Variants in UBR4 observed in about 807,000 individuals in gnomAD.
UBR4 encodes ubiquitin protein ligase E3 component n-recognin 4, also known as E3 ubiquitin-protein ligase UBR4.
Under a neutral mutation model 575.6 loss-of-function variants are expected in UBR4, and 124 were observed. That is an observed-to-expected ratio of 0.22 (90% CI 0.19 to 0.25). UBR4 has a LOEUF of 0.25. Among genes scored for constraint, UBR4 ranks in the 10% least tolerant of loss-of-function variants. The pLI is 1.00. For synonymous variants in UBR4, 2,455 were observed against 2,473.7 expected (o/e 0.99, Z 0.22); for missense variants, 4,818 against 6,478.8 (o/e 0.74, Z 8.80).
chr1:19,138,727 A>G (rs1264915025), intron 59 of UBR4, among the ~76,000 whole-genome samples: 2 of 152,204 alleles, frequency 1.3e-5, no homozygotes, highest in Non-Finnish European at 2.9e-5. Context: ...AATGGGTTTC[A>G]AGGTCACATA....
intron 86 of UBR4, 145 bp from the exon 87 acceptor site, chr1:19,104,402 C>T: frequency 8.3e-7 from 1 of 1,208,724 alleles, no homozygotes; most frequent in African/African-American, 1.5e-5. Context: ...CAAGCGGAAA[C>T]AGTCAATAGC....
chr1:19,121,520 G>A lies in UBR4; in HGVS notation c.9896-86C>T, dbSNP rs1180319231. Reference sequence around the variant, plus strand: ...CAAAACAACGTCTCCCTACAGCTGAGACTGCCCTGTTCTCACCAGCTTTCT... The same window carrying A: ...CAAAACAACGTCTCCCTACAGCTGAAACTGCCCTGTTCTCACCAGCTTTCT... On this transcript the variant is annotated intron_variant, in intron 67 of 105. Transcript: ENST00000375254. The A allele has an allele frequency of 4.0e-6, 6 of 1,507,664 alleles. No homozygotes were observed. The African/African-American group carries it at 8.4e-5, about 21-fold the overall frequency. The allele number at this position is 1,507,664 out of a possible 1,614,324, so 93.4% of individuals were successfully genotyped here.
chr1:19,077,410 G>A (rs1192442965), intron 104 of UBR4, among the ~76,000 whole-genome samples: 5 of 152,192 alleles, frequency 3.3e-5, no homozygotes, highest in African/African-American at 1.2e-4. Flanking sequence ...TCTGGAGCAG[G>A]CTCGGGAGCA....
intron 52 of UBR4, 164 bp from the exon 53 acceptor site, chr1:19,146,097 A>G (rs1427289014): frequency 6.4e-7 from 1 of 1,551,454 alleles, no homozygotes; most frequent in Non-Finnish European, 8.7e-7. Flanking sequence ...ACATCTAGGA[A>G]AAAAACAGTC....
rs779700447 is a variant in UBR4 at position 19,112,526 on chromosome 1, A to T, written c.11799T>A (p.Thr3933=). The T allele has an allele frequency of 3.2e-5, 52 of 1,608,066 alleles. No homozygotes were observed. The highest frequency in any genetic ancestry group is 2.2e-5 in the Non-Finnish European group (26 of 1,176,814). ...ATAACCATGGTGTAGGTACTGACCG[A>T]GTTAGGAGGCACATGAGCTGGCGGA... The part of the protein sequence containing the change: ...EEVRQLMCLL[T]RDNPEATQQM... Residue 3933 remains threonine (T), a splice_region_variant and synonymous_variant, in exon 78 of 106, where the codon ACT becomes ACA. Transcript: ENST00000375254.
At position 19,126,461 on chromosome 1, in the gene UBR4, G is replaced by C; in HGVS notation, c.9423C>G (p.Leu3141=). ...SSPPDMSPFF[L]RQYVKGHAAD... ...AAGATCTCACCTTCACATACTGGCG[G>C]AGAAAGAATGGGCTCATGTCAGGTG... Residue 3141 remains leucine (L), a synonymous_variant, in exon 64 of 106, where the codon CTC becomes CTG. Coordinates refer to ENST00000375254, the MANE Select transcript of UBR4 (RefSeq NM_020765.3). 3 of 1,614,170 alleles carry C rather than the reference G, an allele frequency of 1.9e-6. No individual in the cohort carries two copies. The highest frequency in any genetic ancestry group is 2.5e-6 in the Non-Finnish European group (3 of 1,180,014).
In UBR4 at chr1:19,098,194, G is replaced by A. The variant is rs182211552; in HGVS notation, c.13303-914C>T. Among the ~76,000 whole-genome samples, 11 of 152,270 alleles carry A rather than the reference G, an allele frequency of 7.2e-5. No individual in the cohort carries two copies. The East Asian group carries it at 1.7e-3, about 24-fold the overall frequency. On this transcript the variant is annotated intron_variant, in intron 90 of 105. Transcript: ENST00000375254. ...AAAGGCCAGTTGCAGAAGTGTTTCCGGCTATAGAAGCCCAGTGAGAATTCC... is the reference window on the plus strand; with the variant it reads ...AAAGGCCAGTTGCAGAAGTGTTTCCAGCTATAGAAGCCCAGTGAGAATTCC...
At chr1:19,191,852 G>T (rs906578824) in intron 11 of UBR4, among the ~76,000 whole-genome samples, 4 of 152,116 alleles carry the variant, frequency 2.6e-5, no homozygotes, top group Non-Finnish European at 5.9e-5. Flanking sequence ...GGTTATACAC[G>T]CAAGTACTCA....
chr1:19,105,091 G>A lies in UBR4; in HGVS notation c.12602C>T (p.Ala4201Val), dbSNP rs1439221954. 2 of 1,613,976 alleles carry A rather than the reference G, an allele frequency of 1.2e-6. No homozygotes were observed. The highest frequency in any genetic ancestry group is 1.7e-6 in the Non-Finnish European group (2 of 1,180,000). The part of the protein sequence containing the change: ...ITSAHWKVYL[A>V]ARGVLPYVGN... Reference sequence around the variant, plus strand: ...CACATAGGGTAGGACTCCCCGAGCTGCCAAGTAGACTTTCCAGTGCGCAGA... The same window carrying A: ...CACATAGGGTAGGACTCCCCGAGCTACCAAGTAGACTTTCCAGTGCGCAGA... Residue 4201 changes from alanine to valine, a missense_variant, in exon 85 of 106, where the codon GCA becomes GTA. Ala to Val is a moderately conservative substitution (Grantham distance 64). Transcript: ENST00000375254.
At chr1:19,185,577 T>TC (rs1199869214) in intron 14 of UBR4, among the ~76,000 whole-genome samples, 1 of 118,998 alleles carries the variant, frequency 8.4e-6, no homozygotes, top group African/African-American at 2.8e-5. Context: ...TTTTTTCTTT[T>TC]TTTTTTTTTT....
chr1:19,173,549 A>C lies in UBR4; in HGVS notation c.3055T>G (p.Tyr1019Asp). ...ILGILPPSKT[Y>D]INQLSMNSPE... is the part of the protein sequence containing the mutation. ...GAGTTCATGGATAGCTGGTTAATGT[A>C]AGTCTTTGATGGTGGTAAAATTCCT... Residue 1019 changes from tyrosine (Y) to aspartate (D), a missense_variant, in exon 23 of 106, where the codon TAC becomes GAC. By Grantham distance (160) the Tyr-to-Asp change is radical. This residue lies in a region of UBR4 where 1,172 missense variants were observed against 1,259.7 expected (regional missense o/e 0.93). Transcript: ENST00000375254. 2.5e-6 allele frequency: 4 copies of C among 1,614,182 alleles called. No individual in the cohort carries two copies. Among genetic ancestry groups the C allele is most frequent in the Non-Finnish European group, 3.4e-6 (4 of 1,180,018 alleles).
At position 19,088,681 on chromosome 1, in the gene UBR4, A is replaced by G. The variant is rs1259448380; in HGVS notation, c.14430+78T>C. On this transcript the variant is annotated intron_variant, in intron 98 of 105. Coordinates refer to ENST00000375254, the MANE Select transcript of UBR4 (RefSeq NM_020765.3). This position sits in a 1 kb window ranked among gnomAD's most constrained non-coding sequence, Gnocchi z 4.0. ...TCCAGCCTTCTCTTTCCCCATGGCC[A>G]ACCCCAGGGCTGTCCCATGGCCACC... 1.3e-6 allele frequency: 2 copies of G among 1,488,784 alleles called. No individual in the cohort carries two copies. Among genetic ancestry groups the G allele is most frequent in the African/African-American group, 1.4e-5 (1 of 72,124 alleles). The allele number at this position is 1,488,784 out of a possible 1,614,324, so 92.2% of individuals were successfully genotyped here. A position where few individuals can be genotyped will look rare whatever the true frequency, so the allele number is the denominator to read the frequency against.
At chr1:19,191,851 C>T (rs1046527952) in intron 11 of UBR4, among the ~76,000 whole-genome samples, 5 of 152,198 alleles carry the variant, frequency 3.3e-5, no homozygotes, top group African/African-American at 7.2e-5. Context: ...AGGTTATACA[C>T]GCAAGTACTC....
intron 4 of UBR4, 41 bp from the exon 5 acceptor site, chr1:19,198,721 C>T (rs1224749029): frequency 1.4e-5 from 23 of 1,612,520 alleles, no homozygotes; most frequent in Non-Finnish European, 1.7e-5. Context: ...GAGGAAAGTG[C>T]CACTAGAAGG....
chr1:19,190,312 A>AAAAAAAAAGATATATATATAT, intron 11 of UBR4, among the ~76,000 whole-genome samples: 1 of 79,922 alleles, frequency 1.3e-5, no homozygotes, highest in Non-Finnish European at 2.3e-5. Flanking sequence ...AAAAAAAAAA[A>AAAAAAAAAGATATATATATAT]ATATATATAT....
intron 14 of UBR4, among the ~76,000 whole-genome samples, 191 bp from the exon 15 acceptor site, chr1:19,185,477 A>C (rs1377572026): frequency 6.6e-6 from 1 of 152,188 alleles, no homozygotes; most frequent in South Asian, 2.1e-4. Context: ...ACTGATCATC[A>C]ATAACTGATT....
Position 19,088,051 on chromosome 1 carries a change from G to T in UBR4, c.14431-122C>A, listed in dbSNP as rs2077184408. 1 of 711,134 alleles carries T rather than the reference G, an allele frequency of 1.4e-6. No homozygotes were observed. The highest frequency in any genetic ancestry group is 2.3e-5 in the Admixed American group (1 of 44,018). 44.1% of individuals were successfully genotyped at this position (711,134 alleles called of 1,614,324 possible). A position where few individuals can be genotyped will look rare whatever the true frequency, so the allele number is the denominator to read the frequency against. On this transcript the variant is annotated intron_variant, in intron 98 of 105. Transcript: ENST00000375254. This position sits in a 1 kb window ranked among gnomAD's most constrained non-coding sequence, Gnocchi z 4.0. ...CCACTAAAAGGACAGGTGCATGAGA[G>T]GAAAGCCCTTGAGCTGTCTTCTAAT...
At chr1:19,187,725 C>T (rs1431400138) in intron 11 of UBR4, among the ~76,000 whole-genome samples, 185 bp from the exon 12 acceptor site, 1 of 152,064 alleles carries the variant, frequency 6.6e-6, no homozygotes, top group Non-Finnish European at 1.5e-5. Context: ...CTCCTTGAAC[C>T]CCATCCACAG....
In UBR4 at chr1:19,129,059, A is replaced by G. The variant is rs1158177182; in HGVS notation, c.8922T>C (p.Arg2974=). 3 of 1,613,990 alleles carry G rather than the reference A, an allele frequency of 1.9e-6. No individual in the cohort carries two copies. The highest frequency in any genetic ancestry group is 2.5e-6 in the Non-Finnish European group (3 of 1,179,992). The change falls in exon 61 of 106, where the codon CGT becomes CGC. Residue 2974 remains arginine (R), a synonymous_variant. Transcript: ENST00000375254. ...VHTSNRLHMV[R]LMLLERLLQT... is the part of the protein sequence containing the mutation. ...GCAGTAATCTCTCCAACAGCATTAGACGGACCATGTGCAGCCTAAAAGGGT... is the reference window on the plus strand; with the variant it reads ...GCAGTAATCTCTCCAACAGCATTAGGCGGACCATGTGCAGCCTAAAAGGGT...
Sources: allele counts gnomAD v4.1 joint callset (sites outside exome capture counted in the v4.1 genomes callset), GRCh38; gene constraint gnomAD v4.1.1; regional missense constraint gnomAD v4.1.1; non-coding constraint Gnocchi (gnomAD v3.1); transcripts MANE v1.5; gene names NCBI Gene and HGNC (gene_info 2026-07-23, HGNC 2026-07-21).